IDH2: variants seen among roughly 807,000 people sequenced by gnomAD.
The protein encoded by IDH2 is isocitrate dehydrogenase (NADP(+)) 2.
A neutral mutation model predicts 50.5 loss-of-function variants in IDH2; 18 were observed. The observed-to-expected ratio is 0.36, with a 90% confidence interval of 0.25 to 0.53. The LOEUF (loss-of-function observed/expected upper bound fraction) is 0.53, where lower values mean the gene tolerates loss of function less well. Ranked by LOEUF, IDH2 falls within the 20% of genes least tolerant of loss-of-function variation. The probability of loss-of-function intolerance (pLI) is 0.92; values close to 1 mark genes in which losing one functional copy is unlikely to be tolerated. For missense variants in IDH2, 518 were observed against 610.7 expected, an observed-to-expected ratio of 0.85 and a Z score of 1.60; for synonymous variants, 280 against 239.8, an observed-to-expected ratio of 1.17 and a Z score of -1.55.
intron 1 of IDH2, among the ~76,000 whole-genome samples, chr15:90,101,025 G>GTGCTATA (rs1901316681): frequency 6.6e-6 from 1 of 151,786 alleles, no homozygotes; most frequent in African/African-American, 2.4e-5. Flanking sequence ...TGAAGGTGGT[G>GTGCTATA]TGCTATATGG....
In IDH2 at chr15:90,093,521, A is replaced by G. The variant is rs142599861; in HGVS notation, c.116-1877T>C. On this transcript the variant is annotated intron_variant, in intron 1 of 10. Transcript: ENST00000330062. ...ATTGAGTGCCTACTATGTGCCTTAC[A>G]GTGTACCAATGCTGTACAATGTGAT... 7.1e-3 allele frequency among the ~76,000 whole-genome samples: 1,088 copies of G among 152,350 alleles called. 12 individuals carry two copies. Among genetic ancestry groups the G allele is most frequent in the African/African-American group, 0.025 (1,046 of 41,572 alleles).
At chr15:90,093,617 T>TTA (rs1901105539) in intron 1 of IDH2, among the ~76,000 whole-genome samples, 5 of 146,362 alleles carry the variant, frequency 3.4e-5, no homozygotes, top group African/African-American at 1.3e-4. Context: ...TTAATTTATT[T>TTA]ATTTATTTAT....
At position 90,084,266 on chromosome 15, in the gene IDH2, CT is replaced by C. The variant is rs1567251888; in HGVS notation, c.1358del (p.Ter453TrpfsTer15). The C allele has an allele frequency of 6.2e-7, 1 of 1,613,662 alleles. No individual in the cohort carries two copies. Among genetic ancestry groups the C allele is most frequent in the East Asian group, 2.2e-5 (1 of 44,884 alleles). On this transcript the variant is annotated frameshift_variant and stop_lost, in exon 11 of 11. Coordinates refer to ENST00000330062, the MANE Select transcript of IDH2 (RefSeq NM_002168.4). LOFTEE classifies it high-confidence loss of function. This position sits in a 1 kb window ranked among gnomAD's most constrained non-coding sequence, Gnocchi z 5.0. ...SNLDRALGRQ[*>X] ...CTGCAGCCATGGGTGGCGCCTCCCC[CT>C]ACTGCCTGCCCAGGGCTCTGTCCAG...
intron 1 of IDH2, among the ~76,000 whole-genome samples, chr15:90,092,112 G>T (rs1021120298): frequency 5.3e-5 from 8 of 152,114 alleles, no homozygotes; most frequent in African/African-American, 1.9e-4. Context: ...AGGACCCCCC[G>T]ATTGTACATT....
chr15:90,090,621 G>A lies in IDH2; in HGVS notation c.231C>T (p.Ile77=). 1 of 1,614,218 alleles carries A rather than the reference G, an allele frequency of 6.2e-7. No homozygotes were observed. Among genetic ancestry groups the A allele is most frequent in the Non-Finnish European group, 8.5e-7 (1 of 1,180,036 alleles). ...KEKLILPHVD[I]QLKYFDLGLP... ...GCCCGAGGTCAAAATACTTTAGCTGGATGTCCACGTGGGGCAGGATGAGCT... is the reference window on the plus strand; with the variant it reads ...GCCCGAGGTCAAAATACTTTAGCTGAATGTCCACGTGGGGCAGGATGAGCT... Residue 77 remains isoleucine, a synonymous_variant, in exon 3 of 11, where the codon ATC becomes ATT. Coordinates refer to ENST00000330062, the MANE Select transcript of IDH2 (RefSeq NM_002168.4).
intron 7 of IDH2, among the ~76,000 whole-genome samples, chr15:90,086,463 G>A (rs765282010): frequency 9.9e-5 from 15 of 151,814 alleles, no homozygotes; most frequent in Non-Finnish European, 1.6e-4. Flanking sequence ...GCGCAATCTC[G>A]GCTCACTGCA....
At chr15:90,089,310 A>T (rs1900967994) in intron 3 of IDH2, among the ~76,000 whole-genome samples, 1 of 152,212 alleles carries the variant, frequency 6.6e-6, no homozygotes, top group Non-Finnish European at 1.5e-5. Context: ...TGTTGTCGTG[A>T]GGACGAAATG....
At chr15:90,101,806 G>A (rs1226770682) in intron 1 of IDH2, among the ~76,000 whole-genome samples, 3 of 152,080 alleles carry the variant, frequency 2.0e-5, no homozygotes, top group Admixed American at 1.3e-4. Flanking sequence ...TGAAAAGGAA[G>A]GGGAAGTGCA....
intron 1 of IDH2, among the ~76,000 whole-genome samples, chr15:90,097,681 G>A (rs1378157110): frequency 3.6e-5 from 2 of 54,988 alleles, no homozygotes; most frequent in Non-Finnish European, 1.5e-4. Context: ...GAAGTGGGGA[G>A]GTATTGTTTC....
intron 7 of IDH2, among the ~76,000 whole-genome samples, chr15:90,086,101 G>A (rs867781438): frequency 3.3e-5 from 5 of 152,166 alleles, no homozygotes; most frequent in Middle Eastern, 3.4e-3. Context: ...CTGCTATGGC[G>A]TTTCATCCTT....
intron 3 of IDH2, among the ~76,000 whole-genome samples, chr15:90,089,202 C>T (rs1424413331): frequency 6.6e-6 from 1 of 152,044 alleles, no homozygotes; most frequent in Non-Finnish European, 1.5e-5. Context: ...GTGTGAGCCA[C>T]CATGCCCAGC....
In IDH2 at chr15:90,090,567, C is replaced by G. The variant is rs2151551281; in HGVS notation, c.285G>C (p.Gln95His). The G allele has an allele frequency of 1.2e-6, 2 of 1,614,188 alleles. No homozygotes were observed. The highest frequency in any genetic ancestry group is 1.7e-6 in the Non-Finnish European group (2 of 1,180,030). The part of the protein sequence containing the change: ...GLPNRDQTDD[Q>H]VTIDSALATQ... ...TGGCCAGTGCAGAGTCAATGGTGAC[C>G]TGGTCATCAGTCTGGTCACGGTTTG... The change falls in exon 3 of 11, where the codon CAG becomes CAC. Residue 95 changes from glutamine (Q) to histidine (H), a missense_variant. Gln to His is a conservative substitution (Grantham distance 24). Coordinates refer to ENST00000330062, the MANE Select transcript of IDH2 (RefSeq NM_002168.4).
chr15:90,102,412 GC>G lies in IDH2; in HGVS notation c.-23del. 1 of 1,290,998 alleles carries G rather than the reference GC, an allele frequency of 7.7e-7. No homozygotes were observed. The highest frequency in any genetic ancestry group is 1.0e-6 in the Non-Finnish European group (1 of 997,814). The allele number at this position is 1,290,998 out of a possible 1,614,324, so 80.0% of individuals were successfully genotyped here. On this transcript the variant is annotated 5_prime_UTR_variant, in exon 1 of 11. Coordinates refer to ENST00000330062, the MANE Select transcript of IDH2 (RefSeq NM_002168.4). ...CCATCCCAAGCTGGAGAGCGAACGA[GC>G]AGGGCGGGAGAGGTCCGAGCGCGCG...
At chr15:90,096,392 G>T (rs1901181063) in intron 1 of IDH2, among the ~76,000 whole-genome samples, 1 of 152,072 alleles carries the variant, frequency 6.6e-6, no homozygotes, top group African/African-American at 2.4e-5. Flanking sequence ...ATGAAAAGAT[G>T]CTCAACATCA....
chr15:90,097,585 T>C (rs1260262514), intron 1 of IDH2, among the ~76,000 whole-genome samples: 2 of 152,172 alleles, frequency 1.3e-5, no homozygotes, highest in Non-Finnish European at 2.9e-5. Context: ...ACAAATACTA[T>C]ATGCTTCTAC....
Position 90,085,638 on chromosome 15 carries a change from C to T in IDH2, c.968-251G>A, listed in dbSNP as rs1403391755. 1.4e-4 allele frequency among the ~76,000 whole-genome samples: 22 copies of T among 152,330 alleles called. No individual in the cohort carries two copies. The highest frequency in any genetic ancestry group is 2.9e-5 in the Non-Finnish European group (2 of 68,028). The stretch of plus-strand genomic sequence containing the variant: ...CCAGCACATTAACATCCATCTGTGT[C>T]ACCAGCTCCAGGCGCCCCACAGCCT... On this transcript the variant is annotated intron_variant, in intron 7 of 10. Transcript: ENST00000330062. This position sits in a 1 kb window ranked among gnomAD's most constrained non-coding sequence, Gnocchi z 5.5.
At chr15:90,095,220 C>T (rs952497586) in intron 1 of IDH2, among the ~76,000 whole-genome samples, 5 of 152,092 alleles carry the variant, frequency 3.3e-5, no homozygotes, top group African/African-American at 1.2e-4. Context: ...TGTAGAGAAG[C>T]AGAACACAAA....
In IDH2 at chr15:90,100,056, C is replaced by T. The variant is rs1261478955; in HGVS notation, c.115+2220G>A. ...CCTCCCCTCTCACCCATCTGGTATG[C>T]ATTGCCACACAGGGGCCAGTGAGTT... is the stretch of plus-strand genomic sequence containing the variant. On this transcript the variant is annotated intron_variant, in intron 1 of 10. Coordinates refer to ENST00000330062, the MANE Select transcript of IDH2 (RefSeq NM_002168.4). The surrounding 1 kb of genome is among the most constrained non-coding windows in gnomAD (Gnocchi z 4.1). 6.6e-6 allele frequency among the ~76,000 whole-genome samples: 1 copy of T among 152,130 alleles called. No individual in the cohort carries two copies. Among genetic ancestry groups the T allele is most frequent in the African/African-American group, 2.4e-5 (1 of 41,404 alleles).
chr15:90,088,403 A>G lies in IDH2; in HGVS notation c.634T>C (p.Phe212Leu). The G allele has an allele frequency of 6.2e-7, 1 of 1,614,168 alleles. No individual in the cohort carries two copies. Among genetic ancestry groups the G allele is most frequent in the Admixed American group, 1.7e-5 (1 of 60,030 alleles). Residue 212 changes from phenylalanine (F) to leucine (L), a missense_variant, in exon 5 of 11, where the codon TTC (phenylalanine) becomes CTC (leucine). By Grantham distance (22) the Phe-to-Leu change is conservative (BLOSUM62 0). Coordinates refer to ENST00000330062, the MANE Select transcript of IDH2 (RefSeq NM_002168.4). ...SGVKEWEVYN[F>L]PAGGVGMGMY... is the part of the protein sequence containing the mutation. ...CCCATGCCCACGCCGCCTGCGGGGA[A>G]GTTGTACACTTCCCACTCCTTGACA...
Sources: allele counts gnomAD v4.1 joint callset (sites outside exome capture counted in the v4.1 genomes callset), GRCh38; gene constraint gnomAD v4.1.1; non-coding constraint Gnocchi (gnomAD v3.1); transcripts MANE v1.5; gene names NCBI Gene and HGNC (gene_info 2026-07-23, HGNC 2026-07-21).